Variants in ERC2 observed in about 807,000 individuals in gnomAD.
The protein encoded by ERC2 is ELKS/RAB6-interacting/CAST family member 2, also known as ERC protein 2.
Under a neutral mutation model 114.8 loss-of-function variants are expected in ERC2, and 42 were observed. The observed-to-expected ratio is 0.37, with a 90% CI of 0.29 to 0.47. The LOEUF (loss-of-function observed/expected upper bound fraction) is 0.47, where lower values mean the gene tolerates loss of function less well. ERC2 is among the 20% of genes least tolerant of loss of function. The probability of loss-of-function intolerance (pLI) is 0.99; values close to 1 mark genes in which losing one functional copy is unlikely to be tolerated. For synonymous variants in ERC2, 454 were observed against 425.5 expected, an observed-to-expected ratio of 1.07 and a Z score of -0.82; for missense variants, 939 against 1,150.7, an observed-to-expected ratio of 0.82 and a Z score of 2.66.
intron 17 of ERC2, among the ~76,000 whole-genome samples, chr3:55,603,443 T>C (rs935406085): frequency 6.6e-5 from 10 of 152,018 alleles, no homozygotes; most frequent in South Asian, 4.2e-4. Flanking sequence ...CCATCCTGGC[T>C]AACATGGTGA....
chr3:56,122,258 T>C (rs1326864059), intron 6 of ERC2, among the ~76,000 whole-genome samples: 1 of 152,118 alleles, frequency 6.6e-6, no homozygotes, highest in Non-Finnish European at 1.5e-5. Context: ...GTATTTCGTA[T>C]CCCATATGAT....
At chr3:56,144,897 A>G (rs888126900) in intron 5 of ERC2, among the ~76,000 whole-genome samples, 1 of 152,216 alleles carries the variant, frequency 6.6e-6, no homozygotes, top group Non-Finnish European at 1.5e-5. Context: ...CTTCTTTTAC[A>G]GCCATAAATT....
chr3:56,194,348 T>A lies in ERC2; in HGVS notation c.1075-20828A>T, dbSNP rs528146112. Among the ~76,000 whole-genome samples, 5 of 152,138 alleles carry A rather than the reference T, an allele frequency of 3.3e-5. No homozygotes were observed. In the South Asian group the frequency reaches 8.3e-4, roughly 25 times the overall value. ...AATTAAGGATCTCAAGATGAGATAA[T>A]CCTAGATTATGCGGCGAGGCCCGAT... On this transcript the variant is annotated intron_variant, in intron 3 of 17. Transcript: ENST00000288221.
At chr3:55,676,786 A>C (rs2148756607) in intron 17 of ERC2, among the ~76,000 whole-genome samples, 1 of 152,328 alleles carries the variant, frequency 6.6e-6, no homozygotes, top group Middle Eastern at 3.4e-3. Context: ...TGGGAGAGCC[A>C]GCATGCTCCC....
At chr3:56,127,432 T>G (rs73072703) in intron 6 of ERC2, among the ~76,000 whole-genome samples, 3,951 of 152,228 alleles carry the variant, frequency 0.026, 102 homozygotes, top group African/African-American at 0.061. Context: ...TATAAAGCTA[T>G]AGTAAACAAA....
chr3:56,402,717 G>C (rs1411404063), intron 2 of ERC2, among the ~76,000 whole-genome samples: 1 of 152,158 alleles, frequency 6.6e-6, no homozygotes, highest in Non-Finnish European at 1.5e-5. Flanking sequence ...TTTATTAGCA[G>C]TAAGGTTGAG....
chr3:55,539,093 C>T (rs1406816855), intron 17 of ERC2, among the ~76,000 whole-genome samples: 6 of 152,096 alleles, frequency 3.9e-5, no homozygotes, highest in Admixed American at 2.0e-4. Context: ...AACAGAATCA[C>T]ACTGATAATA....
intron 14 of ERC2, among the ~76,000 whole-genome samples, chr3:55,809,138 T>C (rs1220658088): frequency 6.6e-6 from 1 of 152,118 alleles, no homozygotes; most frequent in African/African-American, 2.4e-5. Context: ...TAAAGATGCA[T>C]CATAAACAAA....
At chr3:56,204,487 T>TTTTATTTTATTTTAC (rs1384596754) in intron 3 of ERC2, among the ~76,000 whole-genome samples, 22 of 146,722 alleles carry the variant, frequency 1.5e-4, no homozygotes, top group African/African-American at 5.5e-4. Context: ...TTTTATTTTA[T>TTTTATTTTATTTTAC]TTTATTTTAT....
chr3:55,585,053 CGA>C (rs1407229075), intron 17 of ERC2, among the ~76,000 whole-genome samples: 1 of 152,124 alleles, frequency 6.6e-6, no homozygotes, highest in Non-Finnish European at 1.5e-5. Flanking sequence ...CAGGAGGAAG[CGA>C]GGCTCTTTCG....
At chr3:56,359,143 T>A (rs2058852211) in intron 2 of ERC2, among the ~76,000 whole-genome samples, 1 of 152,176 alleles carries the variant, frequency 6.6e-6, no homozygotes, top group African/African-American at 2.4e-5. Flanking sequence ...CATCACAATA[T>A]CATCATGCCT....
intron 14 of ERC2, among the ~76,000 whole-genome samples, chr3:55,863,666 A>G (rs2062122662): frequency 6.6e-6 from 1 of 152,190 alleles, no homozygotes; most frequent in Non-Finnish European, 1.5e-5. Context: ...GCACTGTCAA[A>G]TAGAAATACA....
chr3:55,656,793 A>G (rs1323262015), intron 17 of ERC2, among the ~76,000 whole-genome samples: 2 of 149,266 alleles, frequency 1.3e-5, no homozygotes, highest in African/African-American at 4.9e-5. Flanking sequence ...TGGAATGTCC[A>G]ACTGTGGCAA....
chr3:55,954,082 A>T (rs1053710235), intron 12 of ERC2, among the ~76,000 whole-genome samples: 137 of 6,876 alleles, frequency 0.02, 1 homozygote, highest in Middle Eastern at 0.17. Flanking sequence ...TCCATTATTT[A>T]AAAAAAAAAA....
At chr3:55,886,137 CGA>C (rs2063338697) in intron 14 of ERC2, among the ~76,000 whole-genome samples, 1 of 151,946 alleles carries the variant, frequency 6.6e-6, no homozygotes, top group African/African-American at 2.4e-5. Context: ...GGGAGGAAGA[CGA>C]GAGACAGGTG....
intron 14 of ERC2, among the ~76,000 whole-genome samples, chr3:55,846,704 T>TCTCA (rs1333607514): frequency 6.6e-6 from 1 of 151,680 alleles, no homozygotes; most frequent in Non-Finnish European, 1.5e-5. Context: ...TCTCTCTCTC[T>TCTCA]CTCTCTCTCT....
intron 17 of ERC2, 85 bp downstream of exon 17, chr3:55,683,709 A>T: frequency 9.1e-7 from 1 of 1,101,012 alleles, no homozygotes; most frequent in Non-Finnish European, 1.3e-6. Context: ...ATTCACAAAC[A>T]TCAGCGAGCA....
At chr3:55,858,590 G>A (rs2061890859) in intron 14 of ERC2, among the ~76,000 whole-genome samples, 2 of 152,178 alleles carry the variant, frequency 1.3e-5, no homozygotes, top group African/African-American at 4.8e-5. Flanking sequence ...CAGTAGGTGT[G>A]TCCTATCTTA....
chr3:55,767,167 A>G (rs1443127010), intron 14 of ERC2, among the ~76,000 whole-genome samples: 1 of 152,228 alleles, frequency 6.6e-6, no homozygotes, highest in Admixed American at 6.5e-5. Flanking sequence ...GAGAGGTGCT[A>G]ATTCACTAGT....
Sources: gnomAD v4.1 joint callset for allele counts (sites outside exome capture counted in the v4.1 genomes callset) on GRCh38, gnomAD v4.1.1 for gene constraint, MANE v1.5 for transcripts, NCBI Gene and HGNC (gene_info 2026-07-23, HGNC 2026-07-21) for gene names.